Variants in CLOCK observed in about 807,000 individuals in gnomAD.
CLOCK encodes the protein clock circadian regulator, also known as circadian locomoter output cycles protein kaput.
In CLOCK, 43 loss-of-function variants were observed where a neutral mutation model predicts 118.4. The observed-to-expected ratio is 0.36, with a 90% confidence interval of 0.28 to 0.47. CLOCK has a LOEUF of 0.47. CLOCK is among the 20% of genes least tolerant of loss of function. CLOCK has a pLI of 1.00. For missense variants in CLOCK, 846 were observed against 999.9 expected, an observed-to-expected ratio of 0.85 and a Z score of 2.08; for synonymous variants, 326 against 339.2, an observed-to-expected ratio of 0.96 and a Z score of 0.43.
intron 21 of CLOCK, 160 bp downstream of exon 21, chr4:55,442,272 A>G: frequency 1.4e-6 from 1 of 690,228 alleles, no homozygotes; most frequent in Non-Finnish European, 2.4e-6. Context: ...GTCTTTAAAC[A>G]ATGAATACAT....
At chr4:55,486,783 G>A (rs1041326784) in intron 3 of CLOCK, among the ~76,000 whole-genome samples, 3 of 152,088 alleles carry the variant, frequency 2.0e-5, no homozygotes. Context: ...TTTCACTCTG[G>A]AAACTCCCTT....
intron 2 of CLOCK, among the ~76,000 whole-genome samples, chr4:55,506,488 A>G (rs1728802812): frequency 6.6e-6 from 1 of 152,216 alleles, no homozygotes; most frequent in Admixed American, 6.5e-5. Flanking sequence ...CGAAAAGTTC[A>G]GAAGACTTAA....
chr4:55,482,804 CTTG>C lies in CLOCK; in HGVS notation c.-22_-20del. On this transcript the variant is annotated 5_prime_UTR_variant, in exon 4 of 23. Transcript: ENST00000513440. Reference sequence around the variant, plus strand: ...ACAACATAACATACTACGTTTTCGTCTTGTAGTAGACATTTGTACTTCTCCTTA... The same window carrying C: ...ACAACATAACATACTACGTTTTCGTCTAGTAGACATTTGTACTTCTCCTTA... 6.3e-7 allele frequency: 1 copy of C among 1,595,860 alleles called. No individual in the cohort carries two copies. Among genetic ancestry groups the C allele is most frequent in the Non-Finnish European group, 8.6e-7 (1 of 1,166,462 alleles).
chr4:55,445,071 T>G (rs1407614383), intron 18 of CLOCK, among the ~76,000 whole-genome samples: 1 of 151,976 alleles, frequency 6.6e-6, no homozygotes, highest in Non-Finnish European at 1.5e-5. Flanking sequence ...TTCTGGTGCT[T>G]CTTGCTCTTA....
At chr4:55,506,552 ATTTAT>A (rs1212751914) in intron 2 of CLOCK, among the ~76,000 whole-genome samples, 4 of 151,862 alleles carry the variant, frequency 2.6e-5, no homozygotes, top group Non-Finnish European at 4.4e-5. Flanking sequence ...AGCATATGGT[ATTTAT>A]TTTATTTTAT....
intron 7 of CLOCK, among the ~76,000 whole-genome samples, chr4:55,471,221 T>C (rs559683497): frequency 1.3e-5 from 2 of 152,244 alleles, no homozygotes; most frequent in South Asian, 4.2e-4. Context: ...AACACAGAGG[T>C]GTACATCTGA....
At chr4:55,519,811 C>T (rs961037318) in intron 1 of CLOCK, among the ~76,000 whole-genome samples, 5 of 151,916 alleles carry the variant, frequency 3.3e-5, no homozygotes, top group South Asian at 2.1e-4. Context: ...AATAAATAAA[C>T]ATCATTGAAC....
chr4:55,488,277 G>A (rs375862436), intron 3 of CLOCK, among the ~76,000 whole-genome samples: 54 of 152,096 alleles, frequency 3.6e-4, no homozygotes, highest in African/African-American at 1.3e-3. Context: ...ATGTGCCAGG[G>A]CTGAATCCTT....
Position 55,479,608 on chromosome 4 carries a change from C to T in CLOCK, c.107+32G>A, listed in dbSNP as rs777984817. ...CCATTATATTTATCTATTATTCATT[C>T]ATTTACTATTTTATATCTCTAATCA... On this transcript the variant is annotated intron_variant, in intron 5 of 22. Coordinates refer to ENST00000513440, the MANE Select transcript of CLOCK (RefSeq NM_004898.4). The T allele has an allele frequency of 1.3e-5, 19 of 1,480,632 alleles. No individual in the cohort carries two copies. The South Asian group carries it at 1.7e-4, about 13-fold the overall frequency. 91.7% of individuals were successfully genotyped at this position (1,480,632 alleles called of 1,614,324 possible).
rs552615152 is a variant in CLOCK, at chr4:55,501,979, A to G, written c.-136+7933T>C. Among the ~76,000 whole-genome samples the G allele has an allele frequency of 6.6e-5, 10 of 152,330 alleles. No individual in the cohort carries two copies. The South Asian group carries it at 1.7e-3, about 25-fold the overall frequency. On this transcript the variant is annotated intron_variant, in intron 2 of 22. Coordinates refer to ENST00000513440, the MANE Select transcript of CLOCK (RefSeq NM_004898.4). ...AGGGCTTTTATAAAACATAACTACAATATCATTATCATATCTTACGAAGTC... is the reference window on the plus strand; with the variant it reads ...AGGGCTTTTATAAAACATAACTACAGTATCATTATCATATCTTACGAAGTC...
At chr4:55,545,189 T>G (rs933820301) in intron 1 of CLOCK, among the ~76,000 whole-genome samples, 1 of 152,148 alleles carries the variant, frequency 6.6e-6, no homozygotes, top group African/African-American at 2.4e-5. Context: ...ACATTAGGTA[T>G]TTCTCCTAAT....
intron 1 of CLOCK, among the ~76,000 whole-genome samples, chr4:55,519,638 C>A (rs1376195386): frequency 6.6e-6 from 1 of 151,790 alleles, no homozygotes; most frequent in African/African-American, 2.4e-5. Context: ...ATTAGCCGGG[C>A]GTGGTGGTGC....
chr4:55,503,637 C>T (rs1728575489), intron 2 of CLOCK, among the ~76,000 whole-genome samples: 1 of 151,940 alleles, frequency 6.6e-6, no homozygotes, highest in Non-Finnish European at 1.5e-5. Flanking sequence ...TCATGTCAGT[C>T]CCTTGATTTT....
chr4:55,535,901 C>T (rs1016551377), intron 1 of CLOCK, among the ~76,000 whole-genome samples: 4 of 151,832 alleles, frequency 2.6e-5, no homozygotes, highest in African/African-American at 9.7e-5. Context: ...GGGAGTATTT[C>T]CTAATTATTG....
chr4:55,482,957 A>G (rs1478824370), intron 3 of CLOCK, 129 bp from the exon 4 acceptor site: 6 of 454,114 alleles, frequency 1.3e-5, no homozygotes, highest in African/African-American at 8.1e-5. Context: ...AGATCAGAAC[A>G]TTATTTTCAA....
At chr4:55,509,431 C>G (rs556860620) in intron 2 of CLOCK, among the ~76,000 whole-genome samples, 2 of 152,278 alleles carry the variant, frequency 1.3e-5, no homozygotes, top group Admixed American at 1.3e-4. Context: ...CCACTCTTAG[C>G]TCATGAGTCA....
chr4:55,476,891 G>A (rs1200670998), intron 6 of CLOCK, among the ~76,000 whole-genome samples: 1 of 152,038 alleles, frequency 6.6e-6, no homozygotes, highest in African/African-American at 2.4e-5. Flanking sequence ...ACTCTAATTT[G>A]TAGTAAGAAG....
intron 5 of CLOCK, among the ~76,000 whole-genome samples, chr4:55,479,359 A>T (rs1726756818): frequency 6.6e-6 from 1 of 152,028 alleles, no homozygotes; most frequent in African/African-American, 2.4e-5. Context: ...GAAAAACTTG[A>T]TTATTTATAA....
At chr4:55,537,410 G>A (rs1232165070) in intron 1 of CLOCK, among the ~76,000 whole-genome samples, 1 of 152,100 alleles carries the variant, frequency 6.6e-6, no homozygotes, top group African/African-American at 2.4e-5. Flanking sequence ...CCTGAGCTCA[G>A]GAGTTGACGA....
Sources: gnomAD v4.1 joint callset for allele counts (sites outside exome capture counted in the v4.1 genomes callset) on GRCh38, gnomAD v4.1.1 for gene constraint, MANE v1.5 for transcripts, NCBI Gene and HGNC (gene_info 2026-07-23, HGNC 2026-07-21) for gene names.